SEMA6A: variants seen among roughly 807,000 people sequenced by gnomAD.
SEMA6A encodes semaphorin 6A, also known as semaphorin-6A.
A neutral mutation model predicts 96.8 loss-of-function variants in SEMA6A; 25 were observed. That is an observed-to-expected ratio of 0.26 (90% CI 0.19 to 0.36). SEMA6A has a LOEUF of 0.36. SEMA6A is among the 10% of genes least tolerant of loss of function. The probability of loss-of-function intolerance (pLI) is 1.00; values close to 1 mark genes in which losing one functional copy is unlikely to be tolerated. For synonymous variants in SEMA6A, 612 were observed against 518.0 expected (o/e 1.18, Z -2.46); for missense variants, 1,363 against 1,323.1 (o/e 1.03, Z -0.47).
At chr5:116,466,333 C>A (rs1179907623) in intron 18 of SEMA6A, among the ~76,000 whole-genome samples, 1 of 149,128 alleles carries the variant, frequency 6.7e-6, no homozygotes, top group Non-Finnish European at 1.5e-5. Context: ...GAGCTGAGAT[C>A]GCACCACTGC....
At chr5:116,531,141 T>G (rs7701953) in intron 1 of SEMA6A, among the ~76,000 whole-genome samples, 22,966 of 148,226 alleles carry the variant, frequency 0.15, 3,098 homozygotes, top group African/African-American at 0.37. Flanking sequence ...ATTTAATAAG[T>G]GCCAATTAAT....
At chr5:116,450,040 C>CTTAAATTTGCAT (rs962419822) in intron 18 of SEMA6A, among the ~76,000 whole-genome samples, 1 of 152,178 alleles carries the variant, frequency 6.6e-6, no homozygotes, top group Non-Finnish European at 1.5e-5. Flanking sequence ...AATTTTCTTT[C>CTTAAATTTGCAT]TTAAATTTGC....
chr5:116,467,656 C>G lies in SEMA6A; in HGVS notation c.1821G>C (p.Lys607Asn), dbSNP rs1221412317. ...TGCTGTCAGGTGAGTCAAGCAGATG[C>G]TTCCAGTCCAGCATTCCTCCCCTAG... ...YESRGGMLDW[K>N]HLLDSPDSTD... The change falls in exon 18 of 19, where the codon AAG (lysine) becomes AAC (asparagine). Residue 607 changes from lysine to asparagine, a missense_variant. By Grantham distance (94) the Lys-to-Asn change is moderately conservative. Transcript: ENST00000343348. 6.2e-7 allele frequency: 1 copy of G among 1,613,624 alleles called. No homozygotes were observed. The highest frequency in any genetic ancestry group is 8.5e-7 in the Non-Finnish European group (1 of 1,179,822).
intron 7 of SEMA6A, 43 bp from the exon 8 acceptor site, chr5:116,489,050 C>A: frequency 3.9e-6 from 6 of 1,528,782 alleles, no homozygotes; most frequent in South Asian, 2.5e-5. Flanking sequence ...GGGAGCAAGT[C>A]AGTGGGGGTG....
chr5:116,524,029 T>C (rs1271854603), intron 1 of SEMA6A, among the ~76,000 whole-genome samples: 1 of 152,194 alleles, frequency 6.6e-6, no homozygotes, highest in African/African-American at 2.4e-5. Flanking sequence ...CCTACCCTCA[T>C]GCCAACCCAC....
intron 18 of SEMA6A, among the ~76,000 whole-genome samples, chr5:116,462,056 TTC>T (rs1443447858): frequency 2.0e-5 from 3 of 152,174 alleles, no homozygotes; most frequent in African/African-American, 7.2e-5. Context: ...AGGAATAATT[TTC>T]TCTGTCCATA....
chr5:116,475,867 C>G (rs979598838), intron 15 of SEMA6A, among the ~76,000 whole-genome samples: 1 of 152,162 alleles, frequency 6.6e-6, no homozygotes, highest in Admixed American at 6.5e-5. Flanking sequence ...TATTTACATC[C>G]TTCTTTACTC....
At chr5:116,533,114 G>A (rs1286806113) in intron 1 of SEMA6A, among the ~76,000 whole-genome samples, 1 of 152,154 alleles carries the variant, frequency 6.6e-6, no homozygotes, top group Non-Finnish European at 1.5e-5. Flanking sequence ...ATCTTTTACT[G>A]TTAATTCAAA....
At chr5:116,507,131 C>T (rs1758177174) in intron 1 of SEMA6A, among the ~76,000 whole-genome samples, 1 of 152,192 alleles carries the variant, frequency 6.6e-6, no homozygotes, top group South Asian at 2.1e-4. Flanking sequence ...TAAGTATCTC[C>T]AGGTTTACAG....
chr5:116,458,192 T>G (rs1755139400), intron 18 of SEMA6A, among the ~76,000 whole-genome samples: 1 of 152,222 alleles, frequency 6.6e-6, no homozygotes, highest in Non-Finnish European at 1.5e-5. Context: ...TGCAAACTAC[T>G]AATTGATTCT....
chr5:116,520,072 A>AC (rs1390718464), intron 1 of SEMA6A, among the ~76,000 whole-genome samples: 3 of 152,106 alleles, frequency 2.0e-5, no homozygotes, highest in Non-Finnish European at 2.9e-5. Flanking sequence ...CAACTGGTTG[A>AC]CCCCATCATG....
At chr5:116,565,382 A>G (rs1760983458) in intron 1 of SEMA6A, among the ~76,000 whole-genome samples, 1 of 152,234 alleles carries the variant, frequency 6.6e-6, no homozygotes, top group African/African-American at 2.4e-5. Flanking sequence ...TGAGGCACTG[A>G]AACTATGGCA....
intron 1 of SEMA6A, among the ~76,000 whole-genome samples, chr5:116,549,498 T>C (rs1188328567): frequency 6.6e-6 from 1 of 152,156 alleles, no homozygotes; most frequent in Non-Finnish European, 1.5e-5. Context: ...TGGTTGTCTA[T>C]CCTCTGACTG....
chr5:116,531,298 C>T (rs1759462619), intron 1 of SEMA6A, among the ~76,000 whole-genome samples: 1 of 152,142 alleles, frequency 6.6e-6, no homozygotes, highest in African/African-American at 2.4e-5. Flanking sequence ...ATGGACATGA[C>T]TCAATGACTA....
intron 1 of SEMA6A, among the ~76,000 whole-genome samples, chr5:116,532,117 AAATTT>A (rs2112842191): frequency 6.6e-6 from 1 of 152,334 alleles, no homozygotes; most frequent in African/African-American, 2.4e-5. Context: ...TGAGGAAATT[AAATTT>A]ATGTTCGAGT....
At chr5:116,522,548 C>CGCCT (rs1454180659) in intron 1 of SEMA6A, among the ~76,000 whole-genome samples, 2 of 152,048 alleles carry the variant, frequency 1.3e-5, no homozygotes, top group Non-Finnish European at 2.9e-5. Context: ...ACTATAAACC[C>CGCCT]GCCTGCGTGC....
Position 116,502,322 on chromosome 5 carries a change from T to C in SEMA6A, c.106A>G (p.Lys36Glu). ...TGGCCCACAAACACCGGATACTGTT[T>C]TGTATCTGTGAAAAGAGGAGATGGG... The part of the protein sequence containing the change: ...PISISHGNYT[K>E]QYPVFVGHKP... Residue 36 changes from lysine (K) to glutamate (E), a missense_variant, in exon 3 of 19, where the codon AAA (lysine) becomes GAA (glutamate). By Grantham distance (56) the Lys-to-Glu change is moderately conservative. Transcript: ENST00000343348. The C allele has an allele frequency of 6.2e-7, 1 of 1,613,720 alleles. No homozygotes were observed. The highest frequency in any genetic ancestry group is 1.1e-5 in the South Asian group (1 of 91,070).
rs556606485 is a variant in SEMA6A at position 116,541,832 on chromosome 5, C to G, written c.-39+32353G>C. On this transcript the variant is annotated intron_variant, in intron 1 of 18. Transcript: ENST00000343348. ...TGGGCGACAGAATGGGACTCCATCT[C>G]AAAACAAACAAACAAACAAACAAAC... is the stretch of plus-strand genomic sequence containing the variant. Among the ~76,000 whole-genome samples the G allele has an allele frequency of 2.0e-5, 3 of 151,338 alleles. No homozygotes were observed. In the East Asian group the frequency reaches 5.8e-4, roughly 29 times the overall value.
intron 1 of SEMA6A, among the ~76,000 whole-genome samples, chr5:116,560,290 AG>A (rs1380882058): frequency 6.6e-6 from 1 of 152,222 alleles, no homozygotes; most frequent in African/African-American, 2.4e-5. Flanking sequence ...GCCTTAGACT[AG>A]AAAGACTTTT....
Sources: gnomAD v4.1 joint callset for allele counts (sites outside exome capture counted in the v4.1 genomes callset) on GRCh38, gnomAD v4.1.1 for gene constraint, MANE v1.5 for transcripts, NCBI Gene and HGNC (gene_info 2026-07-23, HGNC 2026-07-21) for gene names.